PAX4: variants seen among roughly 807,000 people sequenced by gnomAD.
PAX4 encodes the protein paired box protein Pax-4.
A neutral mutation model predicts 40.6 loss-of-function variants in PAX4; 33 were observed. The ratio of observed to expected loss-of-function variants is 0.81; its 90% CI spans 0.62 to 1.09. The LOEUF (loss-of-function observed/expected upper bound fraction) is 1.09. PAX4 is among the 50% of genes least tolerant of loss of function. The pLI, the probability that PAX4 is intolerant of heterozygous loss-of-function variation, is 0.00. For missense variants in PAX4, 459 were observed against 442.5 expected, an observed-to-expected ratio of 1.04 and a Z score of -0.33; for synonymous variants, 174 against 170.6, an observed-to-expected ratio of 1.02 and a Z score of -0.16.
intron 6 of PAX4, among the ~76,000 whole-genome samples, chr7:127,614,130 G>T (rs916987434): frequency 1.3e-5 from 2 of 151,952 alleles, no homozygotes; most frequent in Non-Finnish European, 2.9e-5. Context: ...TTGGTCCAGG[G>T]GTGTGTTATC....
chr7:127,616,913 T>A (rs1019536262), intron 2 of PAX4, among the ~76,000 whole-genome samples: 1 of 152,188 alleles, frequency 6.6e-6, no homozygotes. Flanking sequence ...CCACCATACC[T>A]CTTCTACTTT....
chr7:127,612,090 G>T, intron 9 of PAX4, 90 bp from the exon 10 acceptor site: 1 of 1,289,502 alleles, frequency 7.8e-7, no homozygotes, highest in Non-Finnish European at 1.1e-6. Flanking sequence ...TGGATACAAA[G>T]AGGTTCTAGG....
intron 1 of PAX4, 108 bp from the exon 2 acceptor site, chr7:127,617,508 T>C (rs1303288859): frequency 2.0e-5 from 3 of 152,190 alleles, no homozygotes; most frequent in Non-Finnish European, 2.9e-5. Flanking sequence ...CCCTGTTTCA[T>C]GTTTGTGTAA....
rs745600253 is a variant in PAX4 at position 127,615,070 on chromosome 7, A to T, written c.170T>A (p.Ile57Asn). ...LKVSNGCVSK[I>N]LGRYYRTGVL... ...ACCTGTGCGGTAGTAACGCCCTAGGATCTTGCTCACACAGCCATTAGATAC... is the reference window on the plus strand; with the variant it reads ...ACCTGTGCGGTAGTAACGCCCTAGGTTCTTGCTCACACAGCCATTAGATAC... The change falls in exon 5 of 12, where the codon ATC (isoleucine) becomes AAC (asparagine). Residue 57 changes from isoleucine to asparagine, a missense_variant. Physicochemically the swap from Ile to Asn is moderately radical, Grantham distance 149. Transcript: ENST00000639438. 6.2e-6 allele frequency: 10 copies of T among 1,614,058 alleles called. No homozygotes were observed. In the Admixed American group the frequency reaches 1.5e-4, roughly 24 times the overall value.
At chr7:127,611,465 C>A in intron 11 of PAX4, 70 bp downstream of exon 11, 4 of 1,608,650 alleles carry the variant, frequency 2.5e-6, no homozygotes, top group Non-Finnish European at 3.4e-6. Flanking sequence ...GAGATCCATG[C>A]CCTCCTGGAG....
chr7:127,611,823 T>C, intron 10 of PAX4, 122 bp downstream of exon 10: 2 of 1,593,520 alleles, frequency 1.3e-6, no homozygotes, highest in Non-Finnish European at 1.7e-6. Context: ...GGGTTAGTAC[T>C]TTCTTGACAT....
chr7:127,615,265 C>G (rs1010442377), intron 4 of PAX4, 136 bp downstream of exon 4: 4 of 1,598,564 alleles, frequency 2.5e-6, no homozygotes, highest in Admixed American at 3.4e-5. Flanking sequence ...TTTCAACCTC[C>G]GAGAGGATCT....
rs77110930 is a variant in PAX4 at position 127,618,116 on chromosome 7, G to C, written c.-380C>G. The C allele has an allele frequency of 5.2e-5, 8 of 152,458 alleles. No individual in the cohort carries two copies. The highest frequency in any genetic ancestry group is 2.9e-5 in the Non-Finnish European group (2 of 68,250). 9.4% of individuals were successfully genotyped at this position (152,458 alleles called of 1,614,324 possible). On this transcript the variant is annotated 5_prime_UTR_variant, in exon 1 of 12. Coordinates refer to ENST00000639438, the MANE Select transcript of PAX4 (RefSeq NM_001366110.1). The stretch of plus-strand genomic sequence containing the variant: ...GGGGGTCCAGAGCTATAGAGAGCCC[G>C]TGCTCAAGAGCAGAGGGCAGCCTTC...
rs984072363 is a variant in PAX4, at chr7:127,611,582, C to T, written c.866G>A (p.Arg289Lys). ...TTTAGGTGGGGTGTCACTCAGACAC[C>T]TTTCTGGTGCTGTTGCCCAGCACAG... ...YQLCWATAPE[R>K]CLSDTPPKAC... The change falls in exon 11 of 12, where the codon AGG (arginine) becomes AAG (lysine). Residue 289 changes from arginine (R) to lysine (K), a missense_variant. Physicochemically the swap from Arg to Lys is conservative, Grantham distance 26. Coordinates refer to ENST00000639438, the MANE Select transcript of PAX4 (RefSeq NM_001366110.1). 1 of 1,613,876 alleles carries T rather than the reference C, an allele frequency of 6.2e-7. No homozygotes were observed. Among genetic ancestry groups the T allele is most frequent in the Non-Finnish European group, 8.5e-7 (1 of 1,179,918 alleles).
intron 4 of PAX4, 90 bp downstream of exon 4, chr7:127,615,311 G>C: frequency 3.7e-6 from 6 of 1,611,546 alleles, no homozygotes; most frequent in Non-Finnish European, 5.1e-6. Context: ...AGCCCTCAGA[G>C]CCTGCAACAG....
At chr7:127,611,795 A>G (rs1223091232) in intron 10 of PAX4, 119 bp from the exon 11 acceptor site, 1 of 1,599,500 alleles carries the variant, frequency 6.3e-7, no homozygotes, top group Non-Finnish European at 8.5e-7. Context: ...AGAGGGCACC[A>G]TTCACATAGT....
chr7:127,615,734 CCCATACCCG>C, intron 3 of PAX4, 173 bp downstream of exon 3: 1 of 1,498,300 alleles, frequency 6.7e-7, no homozygotes, highest in Non-Finnish European at 8.9e-7. Flanking sequence ...TTGTTCCTTG[CCCATACCCG>C]CCAACTCTCC....
At chr7:127,611,702 C>A (rs367777575) in intron 10 of PAX4, 26 bp from the exon 11 acceptor site, 12 of 1,606,222 alleles carry the variant, frequency 7.5e-6, no homozygotes, top group South Asian at 1.1e-5. Flanking sequence ...AAGAGAAGAA[C>A]CTTAGCTTCC....
At chr7:127,611,433 A>T in intron 11 of PAX4, 102 bp downstream of exon 11, 2 of 1,593,682 alleles carry the variant, frequency 1.3e-6, no homozygotes, top group Non-Finnish European at 1.7e-6. Flanking sequence ...CTGTATTGAG[A>T]TTCCTTTGAT....
At chr7:127,613,637 C>T (rs1794673415) in intron 7 of PAX4, 105 bp from the exon 8 acceptor site, 1 of 1,563,864 alleles carries the variant, frequency 6.4e-7, no homozygotes, top group Non-Finnish European at 8.7e-7. Flanking sequence ...AACTACCTTC[C>T]TCCTCAAGGC....
At chr7:127,613,149 G>T (rs1427496575) in intron 8 of PAX4, 58 bp from the exon 9 acceptor site, 8 of 1,340,972 alleles carry the variant, frequency 6.0e-6, no homozygotes, top group Middle Eastern at 4.2e-4. Flanking sequence ...GTCACCTGCT[G>T]ATCTCACCAC....
In PAX4 at chr7:127,614,561, G is replaced by C; in HGVS notation, c.361-4C>G. The C allele has an allele frequency of 6.3e-7, 1 of 1,585,956 alleles. No individual in the cohort carries two copies. Among genetic ancestry groups the C allele is most frequent in the Non-Finnish European group, 8.6e-7 (1 of 1,165,094 alleles). On this transcript the variant is annotated splice_region_variant and splice_polypyrimidine_tract_variant and intron_variant, in intron 5 of 11. Coordinates refer to ENST00000639438, the MANE Select transcript of PAX4 (RefSeq NM_001366110.1). The stretch of plus-strand genomic sequence containing the variant: ...GGACTCGGTTGATGGAGGAGACCTG[G>C]GAGTGTCAGGGTGTTGAGTGGAGAG...
Position 127,611,977 on chromosome 7 carries a change from G to T in PAX4, c.739C>A (p.Pro247Thr), listed in dbSNP as rs990969828. ...LPGASQGLTVPRVAPGIISAQ... is the reference protein window; with the variant it reads ...LPGASQGLTVTRVAPGIISAQ... ...GAGATGATTCCTGGGGCAACCCTTG[G>T]TACAGTCAGCCCCTGGGAAGCACCT... The change falls in exon 10 of 12, where the codon CCA (proline) becomes ACA (threonine). Residue 247 changes from proline (P) to threonine (T), a missense_variant. Physicochemically the swap from Pro to Thr is conservative, Grantham distance 38 (BLOSUM62 -1). Coordinates refer to ENST00000639438, the MANE Select transcript of PAX4 (RefSeq NM_001366110.1). 1 of 1,613,950 alleles carries T rather than the reference G, an allele frequency of 6.2e-7. No homozygotes were observed. The highest frequency in any genetic ancestry group is 1.3e-5 in the African/African-American group (1 of 74,894).
intron 2 of PAX4, 66 bp downstream of exon 2, chr7:127,617,209 A>T (rs1002896964): frequency 3.9e-5 from 6 of 152,348 alleles, no homozygotes; most frequent in African/African-American, 1.4e-4. Context: ...GAAACAAAGA[A>T]TTACAAAGAG....
Sources: allele counts gnomAD v4.1 joint callset (sites outside exome capture counted in the v4.1 genomes callset), GRCh38; gene constraint gnomAD v4.1.1; transcripts MANE v1.5; gene names NCBI Gene and HGNC (gene_info 2026-07-23, HGNC 2026-07-21).